GRTP1: variants seen among roughly 807,000 people sequenced by gnomAD.
GRTP1 encodes the protein growth hormone regulated TBC protein 1, also known as growth hormone-regulated TBC protein 1.
GRTP1 carries 56 observed loss-of-function variants against 38.1 expected under a neutral mutation model. The observed-to-expected ratio is 1.47, with a 90% CI of 1.19 to 1.84. The LOEUF (loss-of-function observed/expected upper bound fraction) is 1.84. Ranked by LOEUF, GRTP1 falls within the 40% of genes most tolerant of loss-of-function variation. GRTP1 has a pLI of 0.00. For synonymous variants in GRTP1, 217 were observed against 189.5 expected (o/e 1.14, Z -1.19); for missense variants, 506 against 453.9 (o/e 1.11, Z -1.04).
chr13:113,335,424 C>CA (rs1446619773), intron 5 of GRTP1, among the ~76,000 whole-genome samples: 2 of 70,852 alleles, frequency 2.8e-5, no homozygotes, highest in African/African-American at 5.1e-5. Flanking sequence ...CTCTGTCTCA[C>CA]AAAAAACAAA....
At position 113,346,265 on chromosome 13, in the gene GRTP1, CGGG is replaced by C. The variant is rs2043128764; in HGVS notation, c.466-1309_466-1307del. 1.3e-4 allele frequency among the ~76,000 whole-genome samples: 10 copies of C among 76,730 alleles called. 2 individuals carry two copies. Among genetic ancestry groups the C allele is most frequent in the Non-Finnish European group, 1.8e-4 (7 of 39,438 alleles). 50.3% of individuals were successfully genotyped at this position (76,730 alleles called of 152,430 possible). On this transcript the variant is annotated intron_variant, in intron 4 of 7. Coordinates refer to ENST00000375431, the MANE Select transcript of GRTP1 (RefSeq NM_024719.4). Reference sequence around the variant, plus strand: ...GGACCTCTGTGGCCGAGAGCAGATCCGGGAGGACCTCTGTGGCTGAGCGGATCT... The same window carrying C: ...GGACCTCTGTGGCCGAGAGCAGATCCAGGACCTCTGTGGCTGAGCGGATCT...
At chr13:113,356,499 C>G (rs2043389060) in intron 2 of GRTP1, among the ~76,000 whole-genome samples, 2 of 152,144 alleles carry the variant, frequency 1.3e-5, no homozygotes, top group Non-Finnish European at 2.9e-5. Context: ...AACTCTTGAC[C>G]TCATGATCCG....
chr13:113,324,912 C>T lies in GRTP1; in HGVS notation c.922-335G>A, dbSNP rs570477417. The T allele has an allele frequency of 2.0e-4, 130 of 664,678 alleles. 3 individuals carry two copies. The South Asian group carries it at 4.8e-3, about 25-fold the overall frequency. The allele number at this position is 664,678 out of a possible 1,614,324, so 41.2% of individuals were successfully genotyped here. ...CGCGATCTCGGCTCACTGCAACCTC[C>T]GCCTCCCAGGTTCAAGTGATTCTCG... On this transcript the variant is annotated intron_variant, in intron 7 of 7. Transcript: ENST00000375431.
chr13:113,344,725 A>AAC, intron 5 of GRTP1, 138 bp downstream of exon 5: 1 of 428,396 alleles, frequency 2.3e-6, no homozygotes, highest in South Asian at 2.5e-5. Flanking sequence ...AAAAAAAAAA[A>AAC]AAAAAAAAAA....
At chr13:113,345,020 C>T (rs1844759496) in intron 4 of GRTP1, 61 bp from the exon 5 acceptor site, 1 of 1,543,636 alleles carries the variant, frequency 6.5e-7, no homozygotes, top group East Asian at 2.3e-5. Flanking sequence ...TTTGATTCTG[C>T]AATCATTCGG....
At chr13:113,331,973 A>G (rs1411740665) in intron 5 of GRTP1, among the ~76,000 whole-genome samples, 3 of 151,362 alleles carry the variant, frequency 2.0e-5, no homozygotes, top group Non-Finnish European at 4.4e-5. Flanking sequence ...TTACATTTAA[A>G]AAAAGGTATT....
At chr13:113,324,603 A>C (rs2042731932) in intron 7 of GRTP1, 26 bp from the exon 8 acceptor site, 2 of 1,573,622 alleles carry the variant, frequency 1.3e-6, no homozygotes, top group Non-Finnish European at 8.6e-7. Context: ...TTAGTTTAAA[A>C]ACAAACCCAA....
At chr13:113,346,217 TGTGG>T (rs2043122993) in intron 4 of GRTP1, among the ~76,000 whole-genome samples, 1 of 133,136 alleles carries the variant, frequency 7.5e-6, no homozygotes, top group East Asian at 2.2e-4. Flanking sequence ...GGAGGACCTC[TGTGG>T]CTGAGAACAG....
rs368660991 is a variant in GRTP1, at chr13:113,357,441, CAAAAAAAAAA to C, written c.182-1970_182-1961del. On this transcript the variant is annotated intron_variant, in intron 2 of 7. Coordinates refer to ENST00000375431, the MANE Select transcript of GRTP1 (RefSeq NM_024719.4). ...GCCTGGCGACAGAGTGACACTGCCTCAAAAAAAAAAAAAAAAAAAAGAATCCCTCTTAAGA... is the reference window on the plus strand; with the variant it reads ...GCCTGGCGACAGAGTGACACTGCCTCAAAAAAAAAAGAATCCCTCTTAAGA... Among the ~76,000 whole-genome samples, 8 of 97,670 alleles carry C rather than the reference CAAAAAAAAAA, an allele frequency of 8.2e-5. No individual in the cohort carries two copies. The South Asian group carries it at 1.2e-3, about 15-fold the overall frequency. 64.1% of individuals were successfully genotyped at this position (97,670 alleles called of 152,430 possible).
In GRTP1 at chr13:113,326,504, C is replaced by T. The variant is rs969139806; in HGVS notation, c.563-413G>A. 4.6e-5 allele frequency among the ~76,000 whole-genome samples: 7 copies of T among 151,738 alleles called. No homozygotes were observed. In the South Asian group the frequency reaches 1.2e-3, roughly 27 times the overall value. On this transcript the variant is annotated intron_variant, in intron 5 of 7. Transcript: ENST00000375431. ...GGCTGACATGGCTGAAACCCCGTCT[C>T]TACTAAAAATACAAAAATTAGCCAG...
chr13:113,326,619 C>T (rs1476240975), intron 5 of GRTP1, among the ~76,000 whole-genome samples: 4 of 150,714 alleles, frequency 2.7e-5, no homozygotes, highest in South Asian at 2.1e-4. Flanking sequence ...TGCAGTGGGC[C>T]GAGATCACAC....
At chr13:113,352,769 C>T (rs997776540) in intron 3 of GRTP1, among the ~76,000 whole-genome samples, 1 of 152,206 alleles carries the variant, frequency 6.6e-6, no homozygotes, top group Non-Finnish European at 1.5e-5. Flanking sequence ...GTCTGCACTG[C>T]GTGGCCTGGC....
chr13:113,360,655 C>T (rs2043478642), intron 2 of GRTP1, among the ~76,000 whole-genome samples: 1 of 152,222 alleles, frequency 6.6e-6, no homozygotes, highest in Non-Finnish European at 1.5e-5. Flanking sequence ...CATGTGCCTC[C>T]CACCGGAGTC....
chr13:113,328,162 A>G (rs1408013568), intron 5 of GRTP1, among the ~76,000 whole-genome samples: 1 of 152,108 alleles, frequency 6.6e-6, no homozygotes, highest in Non-Finnish European at 1.5e-5. Flanking sequence ...TCGCGCCGCT[A>G]TCCCCCCAGG....
Position 113,342,442 on chromosome 13 carries a change from A to G in GRTP1, c.562+2421T>C, listed in dbSNP as rs1264312420. Among the ~76,000 whole-genome samples, 1 of 151,878 alleles carries G rather than the reference A, an allele frequency of 6.6e-6. No individual in the cohort carries two copies. Among genetic ancestry groups the G allele is most frequent in the Non-Finnish European group, 1.5e-5 (1 of 68,004 alleles). ...AGAATGGCGTGAACCTGGGAGGCGG[A>G]GCTTGCAGTGAGCCATTGTGCCACT... is the stretch of plus-strand genomic sequence containing the variant. On this transcript the variant is annotated intron_variant, in intron 5 of 7. Coordinates refer to ENST00000375431, the MANE Select transcript of GRTP1 (RefSeq NM_024719.4). This position sits in a 1 kb window ranked among gnomAD's most constrained non-coding sequence, Gnocchi z 4.5.
At position 113,348,055 on chromosome 13, in the gene GRTP1, C is replaced by A. The variant is rs1439796247; in HGVS notation, c.465+2794G>T. Among the ~76,000 whole-genome samples the A allele has an allele frequency of 6.6e-6, 1 of 151,606 alleles. No homozygotes were observed. The highest frequency in any genetic ancestry group is 2.4e-5 in the African/African-American group (1 of 41,266). On this transcript the variant is annotated intron_variant, in intron 4 of 7. Coordinates refer to ENST00000375431, the MANE Select transcript of GRTP1 (RefSeq NM_024719.4). The surrounding 1 kb of genome is among the most constrained non-coding windows in gnomAD (Gnocchi z 4.8). ...GGCCGAGTGGACCCGGGAGGATCTC[C>A]GTGGCTGAGAATGGACCCCTTTGAG...
Position 113,356,787 on chromosome 13 carries a change from A to G in GRTP1, c.182-1306T>C, listed in dbSNP as rs2043395751. Among the ~76,000 whole-genome samples the G allele has an allele frequency of 3.3e-5, 5 of 152,164 alleles. No homozygotes were observed. In the South Asian group the frequency reaches 1.0e-3, roughly 32 times the overall value. On this transcript the variant is annotated intron_variant, in intron 2 of 7. Coordinates refer to ENST00000375431, the MANE Select transcript of GRTP1 (RefSeq NM_024719.4). ...GAGCTCAAATTCCAAGGTGATCCAC[A>G]ATGTATGATCATCTGGACACGAGCA...
chr13:113,333,802 C>CTTTATTTATTTATTTA (rs374558438), intron 5 of GRTP1, among the ~76,000 whole-genome samples: 132 of 124,898 alleles, frequency 1.1e-3, no homozygotes, highest in African/African-American at 2.5e-3. Flanking sequence ...AGTGCCTGTA[C>CTTTATTTATTTATTTA]TTTATTTATT....
intron 7 of GRTP1, chr13:113,325,261 G>A: frequency 1.2e-5 from 15 of 1,243,060 alleles, no homozygotes; most frequent in Non-Finnish European, 1.5e-5. Flanking sequence ...AGCCTCTCCT[G>A]GCGTCTTGGC....
Sources: gnomAD v4.1 joint callset for allele counts (sites outside exome capture counted in the v4.1 genomes callset) on GRCh38, gnomAD v4.1.1 for gene constraint, Gnocchi (gnomAD v3.1) non-coding constraint, MANE v1.5 for transcripts, NCBI Gene and HGNC (gene_info 2026-07-23, HGNC 2026-07-21) for gene names.